GABRA3: variants seen among roughly 807,000 people sequenced by gnomAD.
GABRA3 encodes the protein gamma-aminobutyric acid type A receptor subunit alpha3.
In GABRA3, 10 loss-of-function variants were observed where a neutral mutation model predicts 30.1. The observed-to-expected ratio is 0.33, with a 90% CI of 0.20 to 0.56. GABRA3 has a LOEUF of 0.56. Among genes scored for constraint, GABRA3 ranks in the 20% least tolerant of loss-of-function variants. The pLI, the probability that GABRA3 is intolerant of heterozygous loss-of-function variation, is 0.89. For synonymous variants in GABRA3, 151 were observed against 146.8 expected, an observed-to-expected ratio of 1.03 and a Z score of -0.21; for missense variants, 233 against 392.0, an observed-to-expected ratio of 0.59 and a Z score of 3.42.
Position 152,321,103 on chromosome X carries a change from T to G in GABRA3, c.262+24478A>C, listed in dbSNP as rs763010815. ...TCTGCTATAGACATTAAGACATGGT[T>G]GAATAAAATTGGATGATTCAAGGTG... On this transcript the variant is annotated intron_variant, in intron 3 of 9. Coordinates refer to ENST00000370314, the MANE Select transcript of GABRA3 (RefSeq NM_000808.4). Among the ~76,000 whole-genome samples the G allele has an allele frequency of 1.8e-4, 20 of 111,974 alleles. No individual in the cohort carries two copies. The South Asian group carries it at 4.1e-3, about 23-fold the overall frequency.
intron 6 of GABRA3, among the ~76,000 whole-genome samples, chrX:152,222,472 T>C (rs1216902199): frequency 9.2e-6 from 1 of 108,921 alleles, no homozygotes; most frequent in Non-Finnish European, 1.9e-5. Context: ...TTTTTTTTCT[T>C]GAATATATTA....
At position 152,166,384 on chromosome X, in the gene GABRA3, C is replaced by CCACATATCCA. The variant is rs1200748838; in HGVS notation, c.*1834_*1843dup. 1 of 98,618 alleles carries CCACATATCCA rather than the reference C, an allele frequency of 1.0e-5. No individual in the cohort carries two copies. The highest frequency in any genetic ancestry group is 2.0e-5 in the Non-Finnish European group (1 of 48,993). The allele number at this position is 98,618 out of a possible 1,213,427, so 8.1% of individuals were successfully genotyped here. A position where few individuals can be genotyped will look rare whatever the true frequency, so the allele number is the denominator to read the frequency against. ...CCCCGCCCTCCCACCCCCCATATCCCCACATATCCACAAGACTACACTCTT... is the reference window on the plus strand; with the variant it reads ...CCCCGCCCTCCCACCCCCCATATCCCCACATATCCACACATATCCACAAGACTACACTCTT... On this transcript the variant is annotated 3_prime_UTR_variant, in exon 10 of 10. Coordinates refer to ENST00000370314, the MANE Select transcript of GABRA3 (RefSeq NM_000808.4).
At chrX:152,426,923 GAAATATTA>G (rs1930528163) in intron 1 of GABRA3, among the ~76,000 whole-genome samples, 1 of 111,881 alleles carries the variant, frequency 8.9e-6, no homozygotes. Flanking sequence ...ACTTATTTGG[GAAATATTA>G]AAATATGGGA....
chrX:152,395,334 T>C (rs1467409284), intron 1 of GABRA3, among the ~76,000 whole-genome samples: 1 of 111,657 alleles, frequency 9.0e-6, no homozygotes, highest in Admixed American at 9.5e-5. Context: ...CTAATATTCA[T>C]GTTATTAAAG....
chrX:152,311,838 T>TA (rs199954592), intron 3 of GABRA3, among the ~76,000 whole-genome samples: 110 of 103,688 alleles, frequency 1.1e-3, no homozygotes, highest in East Asian at 9.4e-3. Context: ...CTAGAGCTGA[T>TA]AAAAAAAAAA....
intron 1 of GABRA3, among the ~76,000 whole-genome samples, chrX:152,450,074 C>A (rs1412977857): frequency 9.0e-6 from 1 of 111,252 alleles, no homozygotes; most frequent in Non-Finnish European, 1.9e-5. Context: ...ACAATTGGAT[C>A]CCTTCCCCTA....
In GABRA3 at chrX:152,224,869, T is replaced by C. The variant is rs201717092; in HGVS notation, c.552-24A>G. ...ACCTAAAAGAAAGGCAAACAGAAAA[T>C]GAAATTAAGCTAAAATAAATGTTAT... On this transcript the variant is annotated intron_variant, in intron 5 of 9. Transcript: ENST00000370314. The C allele has an allele frequency of 4.4e-5, 46 of 1,045,247 alleles. No homozygotes were observed. The African/African-American group carries it at 7.8e-4, about 18-fold the overall frequency. 86.1% of individuals were successfully genotyped at this position (1,045,247 alleles called of 1,213,427 possible).
At chrX:152,228,423 A>T (rs1442157872) in intron 5 of GABRA3, among the ~76,000 whole-genome samples, 1 of 111,289 alleles carries the variant, frequency 9.0e-6, no homozygotes, top group Non-Finnish European at 1.9e-5. Context: ...AGAAATCACT[A>T]CCTTTGCATC....
chrX:152,283,537 G>A (rs191337074), intron 4 of GABRA3, among the ~76,000 whole-genome samples: 3 of 111,695 alleles, frequency 2.7e-5, no homozygotes, highest in Non-Finnish European at 3.8e-5. Flanking sequence ...TAAAATCAAC[G>A]GGCCTAAATC....
At chrX:152,444,732 G>T (rs1328220434) in intron 1 of GABRA3, among the ~76,000 whole-genome samples, 6 of 23,170 alleles carry the variant, frequency 2.6e-4, no homozygotes, top group Non-Finnish European at 3.0e-4. Context: ...TAATACTTGT[G>T]TGTTTTTTTT....
At chrX:152,278,994 T>C (rs1439914539) in intron 4 of GABRA3, among the ~76,000 whole-genome samples, 1 of 112,003 alleles carries the variant, frequency 8.9e-6, no homozygotes, top group Non-Finnish European at 1.9e-5. Context: ...GAGTTCTTTG[T>C]AGATTCTGGA....
Position 152,232,553 on chromosome X carries a change from C to T in GABRA3, c.552-7708G>A, listed in dbSNP as rs1938102860. Among the ~76,000 whole-genome samples, 3 of 109,321 alleles carry T rather than the reference C, an allele frequency of 2.7e-5. No individual in the cohort carries two copies. In the South Asian group the frequency reaches 1.2e-3, roughly 43 times the overall value. 94.9% of individuals were successfully genotyped at this position (109,321 alleles called of 115,157 possible). Reference sequence around the variant, plus strand: ...TTCTTAGTTGTTTCACGTAAGGTAACGACCTCCAATTGCATCCATGTTGGT... The same window carrying T: ...TTCTTAGTTGTTTCACGTAAGGTAATGACCTCCAATTGCATCCATGTTGGT... On this transcript the variant is annotated intron_variant, in intron 5 of 9. Coordinates refer to ENST00000370314, the MANE Select transcript of GABRA3 (RefSeq NM_000808.4).
chrX:152,345,435 A>C (rs1337060965), intron 3 of GABRA3, 146 bp downstream of exon 3: 37 of 590,166 alleles, frequency 6.3e-5, no homozygotes, highest in Non-Finnish European at 5.1e-6. Context: ...ATTATGACTA[A>C]TTTTTAGTGC....
intron 1 of GABRA3, among the ~76,000 whole-genome samples, chrX:152,450,068 T>C (rs889510383): frequency 1.3e-4 from 15 of 111,144 alleles, no homozygotes; most frequent in African/African-American, 3.0e-4. Context: ...CATCAAACAA[T>C]TGGATCCCTT....
chrX:152,279,367 A>G (rs1939154431), intron 4 of GABRA3, among the ~76,000 whole-genome samples: 1 of 111,775 alleles, frequency 8.9e-6, no homozygotes, highest in South Asian at 3.7e-4. Context: ...TTAAATAGGG[A>G]ATCCTTTCCC....
At chrX:152,272,787 C>T (rs1938970236) in intron 4 of GABRA3, among the ~76,000 whole-genome samples, 1 of 111,122 alleles carries the variant, frequency 9.0e-6, no homozygotes, top group Non-Finnish European at 1.9e-5. Context: ...ATGCTGTTCT[C>T]ATGATAGTGA....
At chrX:152,236,830 T>G (rs1183797495) in intron 5 of GABRA3, among the ~76,000 whole-genome samples, 4 of 100,979 alleles carry the variant, frequency 4.0e-5, no homozygotes, top group Non-Finnish European at 6.0e-5. Context: ...TCGCCCACTT[T>G]TTGATGGGGT....
intron 5 of GABRA3, among the ~76,000 whole-genome samples, chrX:152,229,534 CT>C (rs1938027094): frequency 9.1e-6 from 1 of 110,352 alleles, no homozygotes; most frequent in Non-Finnish European, 1.9e-5. Flanking sequence ...GAGAATGAGC[CT>C]TGTAGAAACC....
intron 6 of GABRA3, among the ~76,000 whole-genome samples, chrX:152,216,891 A>AAT (rs915997753): frequency 1.8e-5 from 2 of 111,148 alleles, no homozygotes; most frequent in African/African-American, 6.5e-5. Context: ...ATCATTACAC[A>AAT]ATATATATAT....
Sources: allele counts gnomAD v4.1 joint callset (sites outside exome capture counted in the v4.1 genomes callset), GRCh38; gene constraint gnomAD v4.1.1; transcripts MANE v1.5; gene names NCBI Gene and HGNC (gene_info 2026-07-23, HGNC 2026-07-21).